Variants in UBP1 observed in about 807,000 individuals in gnomAD.
The protein encoded by UBP1 is upstream-binding protein 1.
In UBP1, 22 loss-of-function variants were observed where a neutral mutation model predicts 76.1. That is an observed-to-expected ratio of 0.29 (90% CI 0.21 to 0.41). UBP1 has a LOEUF of 0.41. UBP1 is among the 10% of genes least tolerant of loss of function. UBP1 has a pLI of 1.00. For missense variants in UBP1, 436 were observed against 668.1 expected (o/e 0.65, Z 3.83); for synonymous variants, 224 against 237.1 (o/e 0.94, Z 0.51).
At chr3:33,418,827 A>G (rs1317412523) in intron 2 of UBP1, among the ~76,000 whole-genome samples, 4 of 148,494 alleles carry the variant, frequency 2.7e-5, no homozygotes, top group African/African-American at 1.0e-4. Flanking sequence ...CCGCTGCACT[A>G]CAGCCCAGGC....
intron 5 of UBP1, among the ~76,000 whole-genome samples, chr3:33,411,120 A>C (rs1258726779): frequency 1.3e-5 from 2 of 151,834 alleles, no homozygotes; most frequent in East Asian, 3.9e-4. Context: ...AAGGGGGCGG[A>C]AACTACTAAA....
intron 10 of UBP1, among the ~76,000 whole-genome samples, 199 bp from the exon 11 acceptor site, chr3:33,400,481 A>G (rs1472146808): frequency 1.3e-5 from 2 of 152,230 alleles, no homozygotes; most frequent in African/African-American, 4.8e-5. Flanking sequence ...GCCATAAAAA[A>G]AGAGAAAAAT....
At chr3:33,412,870 A>G (rs1447565667) in intron 3 of UBP1, 43 bp from the exon 4 acceptor site, 8 of 1,304,482 alleles carry the variant, frequency 6.1e-6, no homozygotes, top group Non-Finnish European at 6.7e-6. Flanking sequence ...AAACTGCTCC[A>G]GCTAAAATGC....
intron 8 of UBP1, among the ~76,000 whole-genome samples, chr3:33,404,267 C>G (rs2044352685): frequency 6.6e-6 from 1 of 152,088 alleles, no homozygotes; most frequent in Non-Finnish European, 1.5e-5. Context: ...AAAAACTTAG[C>G]TGGGCGTAGT....
At chr3:33,433,972 A>G (rs1487392132) in intron 1 of UBP1, among the ~76,000 whole-genome samples, 1 of 152,082 alleles carries the variant, frequency 6.6e-6, no homozygotes, top group Non-Finnish European at 1.5e-5. Context: ...ACAGCTAAGA[A>G]AAAAAAAGAA....
intron 1 of UBP1, among the ~76,000 whole-genome samples, chr3:33,430,329 T>G (rs2045091843): frequency 6.6e-6 from 1 of 152,048 alleles, no homozygotes; most frequent in Non-Finnish European, 1.5e-5. Context: ...AACAACTAGA[T>G]GCTCAGGGTA....
At chr3:33,435,889 A>G (rs371035560) in intron 1 of UBP1, among the ~76,000 whole-genome samples, 1 of 152,248 alleles carries the variant, frequency 6.6e-6, no homozygotes, top group East Asian at 1.9e-4. Flanking sequence ...TTTCTACTGA[A>G]TGAATATGGC....
At chr3:33,428,181 CAAA>C (rs59049122) in intron 1 of UBP1, among the ~76,000 whole-genome samples, 2 of 57,230 alleles carry the variant, frequency 3.5e-5, no homozygotes, top group Non-Finnish European at 3.4e-5. Flanking sequence ...GATTCCATCT[CAAA>C]AAAAAAAAAA....
rs1178643228 is a variant in UBP1, at chr3:33,440,124, C to T, written c.-276G>A. On this transcript the variant is annotated 5_prime_UTR_variant, in exon 1 of 16. Transcript: ENST00000283629. ...CCTCATGCCGGCGCCGCCGCCCAGC[C>T]CCCGCGCCGCTAGCGCTGCAGCCGC... 3 of 256,518 alleles carry T rather than the reference C, an allele frequency of 1.2e-5. No individual in the cohort carries two copies. The highest frequency in any genetic ancestry group is 2.2e-5 in the Non-Finnish European group (3 of 136,286). 15.9% of individuals were successfully genotyped at this position (256,518 alleles called of 1,614,324 possible).
At chr3:33,392,657 C>G (rs2043814066) in intron 14 of UBP1, 43 bp from the exon 15 acceptor site, 1 of 1,542,368 alleles carries the variant, frequency 6.5e-7, no homozygotes, top group African/African-American at 1.4e-5. Flanking sequence ...TAAGATCCAA[C>G]TGTCGTTTCT....
chr3:33,436,085 T>G (rs545465171), intron 1 of UBP1, among the ~76,000 whole-genome samples: 1 of 152,356 alleles, frequency 6.6e-6, no homozygotes, highest in South Asian at 2.1e-4. Context: ...CTGATCTAAG[T>G]TGAAATTCTG....
chr3:33,434,927 C>T (rs1318821569), intron 1 of UBP1, among the ~76,000 whole-genome samples: 2 of 152,090 alleles, frequency 1.3e-5, no homozygotes, highest in Admixed American at 6.5e-5. Flanking sequence ...CCTCGTGATC[C>T]GCCCACCTTG....
At chr3:33,412,214 G>A (rs1341807727) in intron 4 of UBP1, among the ~76,000 whole-genome samples, 1 of 149,544 alleles carries the variant, frequency 6.7e-6, no homozygotes, top group Non-Finnish European at 1.5e-5. Context: ...AAAGATAGAT[G>A]GTTTACAATT....
chr3:33,427,635 G>A (rs186768031), intron 1 of UBP1, among the ~76,000 whole-genome samples: 2 of 152,282 alleles, frequency 1.3e-5, no homozygotes, highest in Admixed American at 6.5e-5. Flanking sequence ...GGGAGAGAAC[G>A]TTATCCCACC....
At chr3:33,390,714 G>C in intron 15 of UBP1, 1 of 275,128 alleles carries the variant, frequency 3.6e-6, no homozygotes, top group Non-Finnish European at 7.0e-6. Flanking sequence ...GAAATATACT[G>C]TGTCAGGGCA....
chr3:33,435,393 T>C (rs2045188995), intron 1 of UBP1, among the ~76,000 whole-genome samples: 1 of 152,190 alleles, frequency 6.6e-6, no homozygotes, highest in Non-Finnish European at 1.5e-5. Context: ...AAAGTCCCAA[T>C]CAACCCATTG....
At chr3:33,393,933 C>T (rs2043865541) in intron 13 of UBP1, among the ~76,000 whole-genome samples, 1 of 152,002 alleles carries the variant, frequency 6.6e-6, no homozygotes, top group Non-Finnish European at 1.5e-5. Flanking sequence ...GTAAATTATG[C>T]CTGAAGAAAG....
At chr3:33,436,112 A>G (rs2045200656) in intron 1 of UBP1, among the ~76,000 whole-genome samples, 1 of 152,226 alleles carries the variant, frequency 6.6e-6, no homozygotes, top group African/African-American at 2.4e-5. Flanking sequence ...TACAGGATCT[A>G]TAACATTAAT....
intron 2 of UBP1, among the ~76,000 whole-genome samples, chr3:33,417,736 T>C (rs2044766233): frequency 6.6e-6 from 1 of 152,240 alleles, no homozygotes; most frequent in Non-Finnish European, 1.5e-5. Context: ...CAGTATAATT[T>C]GGCATGCAGA....
Sources: gnomAD v4.1 joint callset for allele counts (sites outside exome capture counted in the v4.1 genomes callset) on GRCh38, gnomAD v4.1.1 for gene constraint, MANE v1.5 for transcripts, NCBI Gene and HGNC (gene_info 2026-07-23, HGNC 2026-07-21) for gene names.